SMG1: variants seen among roughly 807,000 people sequenced by gnomAD.
SMG1 encodes the protein serine/threonine-protein kinase SMG1.
SMG1 carries 22 observed loss-of-function variants against 419.9 expected under a neutral mutation model. That is an observed-to-expected ratio of 0.05 (90% CI 0.04 to 0.07). The LOEUF (loss-of-function observed/expected upper bound fraction) is 0.07. Ranked by LOEUF, SMG1 falls within the 10% of genes least tolerant of loss-of-function variation. SMG1 has a pLI of 1.00. For synonymous variants in SMG1, 1,538 were observed against 1,553.5 expected, an observed-to-expected ratio of 0.99 and a Z score of 0.23; for missense variants, 3,185 against 4,342.0, an observed-to-expected ratio of 0.73 and a Z score of 7.49.
At chr16:18,915,005 T>TGGCATCATCTCCACTCACTGCAAC (rs1172240000) in intron 1 of SMG1, among the ~76,000 whole-genome samples, 4 of 150,934 alleles carry the variant, frequency 2.7e-5, no homozygotes, top group African/African-American at 7.3e-5. Flanking sequence ...TGGAGTGCAA[T>TGGCATCATCTCCACTCACTGCAAC]GGCATCATCT....
intron 20 of SMG1, 21 bp downstream of exon 20, chr16:18,869,083 C>A: frequency 2.5e-6 from 4 of 1,592,122 alleles, no homozygotes; most frequent in Non-Finnish European, 3.4e-6. Flanking sequence ...GTATTCACAT[C>A]ACAAAGCTTG....
chr16:18,818,236 T>C (rs1331608290), intron 56 of SMG1, among the ~76,000 whole-genome samples: 1 of 151,834 alleles, frequency 6.6e-6, no homozygotes, highest in African/African-American at 2.4e-5. Context: ...TACAAAAAAC[T>C]TAGCTGGGCA....
chr16:18,811,852 T>C lies in SMG1; in HGVS notation c.10817A>G (p.Asn3606Ser). 1 of 1,613,810 alleles carries C rather than the reference T, an allele frequency of 6.2e-7. No homozygotes were observed. The highest frequency in any genetic ancestry group is 1.7e-4 in the Middle Eastern group (1 of 6,060). Residue 3606 changes from asparagine (N) to serine (S), a missense_variant, in exon 62 of 63, where the codon AAC (asparagine) becomes AGC (serine). By Grantham distance (46) the Asn-to-Ser change is conservative. This residue lies in a region of SMG1 where 41 missense variants were observed against 78.7 expected (regional missense o/e 0.52). Transcript: ENST00000446231. ...CTTCCACACACTCACTGCATAGGAG[T>C]TTCTCTCTTGCACCGCTATGAAGCA... ...PKTGKAVQER[N>S]SYAVSVWKRV...
chr16:18,882,031 T>TATAC, intron 10 of SMG1, 134 bp downstream of exon 10: 1 of 501,260 alleles, frequency 2.0e-6, no homozygotes, highest in East Asian at 3.5e-5. Flanking sequence ...TCAGACAATA[T>TATAC]ATACATATAT....
At chr16:18,849,090 A>C (rs1214198604) in intron 36 of SMG1, 127 bp downstream of exon 36, 6 of 273,396 alleles carry the variant, frequency 2.2e-5, no homozygotes, top group Admixed American at 5.7e-5. Context: ...AAAAAAAAAA[A>C]AAAAAAAAAA....
chr16:18,917,032 G>C (rs2038009298), intron 1 of SMG1, among the ~76,000 whole-genome samples: 1 of 152,058 alleles, frequency 6.6e-6, no homozygotes, highest in African/African-American at 2.4e-5. Context: ...AGATTGAGCA[G>C]ATAAAAAGTA....
In SMG1 at chr16:18,839,845, A is replaced by C; in HGVS notation, c.6798T>G (p.Leu2266=). The stretch of plus-strand genomic sequence containing the variant: ...AATCCCGACGGGACACATCCAGGCT[A>C]AGCCCAACTGTTTTCAAAGCAGGGC... ...KIGPALKTVG[L]SLDVSRRDWP... Residue 2266 remains leucine (L), a synonymous_variant, in exon 42 of 63, where the codon CTT becomes CTG. Coordinates refer to ENST00000446231, the MANE Select transcript of SMG1 (RefSeq NM_015092.5). 1 of 1,613,944 alleles carries C rather than the reference A, an allele frequency of 6.2e-7. No homozygotes were observed. Among genetic ancestry groups the C allele is most frequent in the East Asian group, 2.2e-5 (1 of 44,880 alleles).
At chr16:18,912,641 C>T (rs1463694713) in intron 1 of SMG1, among the ~76,000 whole-genome samples, 1 of 152,004 alleles carries the variant, frequency 6.6e-6, no homozygotes, top group African/African-American at 2.4e-5. Flanking sequence ...AATTTTTAGT[C>T]AATAAATTGA....
rs375781376 is a variant in SMG1 at position 18,926,003 on chromosome 16, G to A, written c.39C>T (p.Gly13=). ...GATACTTGGTGCCGCCGCCGCCGCC[G>A]CCGCTGCTCAGCCGAGACCCCGGGG... ...RRAPGSRLSS[G]GGGGGTKYPR... The change falls in exon 1 of 63, where the codon GGC becomes GGT. Residue 13 remains glycine, a synonymous_variant. Transcript: ENST00000446231. The A allele has an allele frequency of 1.7e-3, 2,611 of 1,580,318 alleles. 1 individual carries two copies. The highest frequency in any genetic ancestry group is 1.9e-3 in the Non-Finnish European group (2,253 of 1,170,062).
At chr16:18,839,993 T>C (rs1272812939) in intron 41 of SMG1, 47 bp from the exon 42 acceptor site, 1 of 1,454,092 alleles carries the variant, frequency 6.9e-7, no homozygotes, top group Non-Finnish European at 9.3e-7. Context: ...CAATTTTATA[T>C]AAGGAAAAAG....
In SMG1 at chr16:18,892,224, A is replaced by G. The variant is rs2036915983; in HGVS notation, c.543T>C (p.Asn181=). 1.0e-5 allele frequency: 16 copies of G among 1,545,280 alleles called. No individual in the cohort carries two copies. The highest frequency in any genetic ancestry group is 1.4e-5 in the Non-Finnish European group (16 of 1,141,900). The part of the protein sequence containing the change: ...QLKEFIQQPE[N]KLVLVKQLDN... The stretch of plus-strand genomic sequence containing the variant: ...CCAAACATACTATACTTACCAGCTT[A>G]TTTTCTGGTTGCTGAATAAATTCTT... Residue 181 remains asparagine (N), a synonymous_variant, in exon 4 of 63, where the codon AAT becomes AAC. Transcript: ENST00000446231.
At position 18,863,278 on chromosome 16, in the gene SMG1, C is replaced by T. The variant is rs148842353; in HGVS notation, c.3695+372G>A. Among the ~76,000 whole-genome samples, 339 of 152,336 alleles carry T rather than the reference C, an allele frequency of 2.2e-3. 2 individuals carry two copies. Among genetic ancestry groups the T allele is most frequent in the African/African-American group, 7.8e-3 (323 of 41,580 alleles). ...TTTACAGATGTTCACAAACTGTCCT[C>T]ATTAGAATAAATGTTTTTGATATAT... On this transcript the variant is annotated intron_variant, in intron 25 of 62. Coordinates refer to ENST00000446231, the MANE Select transcript of SMG1 (RefSeq NM_015092.5).
At chr16:18,827,583 A>G (rs921761010) in intron 55 of SMG1, among the ~76,000 whole-genome samples, 2 of 141,724 alleles carry the variant, frequency 1.4e-5, no homozygotes, top group African/African-American at 5.2e-5. Context: ...ACCAAAATAT[A>G]TATTTTTAGA....
At chr16:18,861,403 T>A (rs2035210932) in intron 25 of SMG1, 1 of 152,038 alleles carries the variant, frequency 6.6e-6, no homozygotes, top group African/African-American at 2.4e-5. Flanking sequence ...CCAGCTTCTA[T>A]GCTGCTCCTT....
chr16:18,915,459 T>C (rs2037933889), intron 1 of SMG1, among the ~76,000 whole-genome samples: 1 of 152,110 alleles, frequency 6.6e-6, no homozygotes, highest in South Asian at 2.1e-4. Flanking sequence ...TAACACTAAC[T>C]ATAAAAACAC....
At position 18,872,630 on chromosome 16, in the gene SMG1, C is replaced by T. The variant is rs1360046179; in HGVS notation, c.1891-6G>A. On this transcript the variant is annotated splice_region_variant and splice_polypyrimidine_tract_variant and intron_variant, in intron 13 of 62. Transcript: ENST00000446231. ...GTTGGAGATAGCGCCCACATCTGAT[C>T]ATGTACAAAACAAAGTAAGTTTATG... is the stretch of plus-strand genomic sequence containing the variant. 5.0e-6 allele frequency: 7 copies of T among 1,403,092 alleles called. No individual in the cohort carries two copies. Among genetic ancestry groups the T allele is most frequent in the Non-Finnish European group, 5.7e-6 (6 of 1,057,716 alleles). 86.9% of individuals were successfully genotyped at this position (1,403,092 alleles called of 1,614,324 possible). A position where few individuals can be genotyped will look rare whatever the true frequency, so the allele number is the denominator to read the frequency against.
chr16:18,828,730 G>T (rs1257042122), intron 54 of SMG1, among the ~76,000 whole-genome samples: 2 of 152,230 alleles, frequency 1.3e-5, no homozygotes, highest in African/African-American at 2.4e-5. Context: ...CAGGCATGGT[G>T]GCTCACGCCT....
chr16:18,903,860 GAACA>G (rs1050679851), intron 1 of SMG1, among the ~76,000 whole-genome samples: 3 of 150,502 alleles, frequency 2.0e-5, no homozygotes, highest in African/African-American at 7.3e-5. Context: ...TCGCATAATG[GAACA>G]AATAAACCTC....
intron 1 of SMG1, among the ~76,000 whole-genome samples, chr16:18,913,254 C>A (rs2037855838): frequency 2.0e-5 from 3 of 152,054 alleles, no homozygotes; most frequent in Non-Finnish European, 2.9e-5. Flanking sequence ...ACAAGAAATT[C>A]CAGGGTTTGT....
Sources: allele counts gnomAD v4.1 joint callset (sites outside exome capture counted in the v4.1 genomes callset), GRCh38; gene constraint gnomAD v4.1.1; regional missense constraint gnomAD v4.1.1; transcripts MANE v1.5; gene names NCBI Gene and HGNC (gene_info 2026-07-23, HGNC 2026-07-21).